LEMD3: variants seen among roughly 807,000 people sequenced by gnomAD.
The protein encoded by LEMD3 is inner nuclear membrane protein Man1.
Under a neutral mutation model 95.2 loss-of-function variants are expected in LEMD3, and 33 were observed. The ratio of observed to expected loss-of-function variants is 0.35; its 90% CI spans 0.26 to 0.46. The LOEUF is 0.46. LEMD3 is among the 20% of genes least tolerant of loss of function. The pLI is 1.00. For missense variants in LEMD3, 1,210 were observed against 1,192.8 expected, an observed-to-expected ratio of 1.01 and a Z score of -0.21; for synonymous variants, 525 against 474.6, an observed-to-expected ratio of 1.11 and a Z score of -1.38.
intron 4 of LEMD3, among the ~76,000 whole-genome samples, chr12:65,231,212 T>C (rs1645918500): frequency 1.3e-5 from 2 of 152,146 alleles, no homozygotes; most frequent in East Asian, 3.8e-4. Flanking sequence ...TTTTTCATGT[T>C]TTTCAAATGC....
At chr12:65,173,054 G>A (rs1377774969) in intron 1 of LEMD3, among the ~76,000 whole-genome samples, 2 of 152,216 alleles carry the variant, frequency 1.3e-5, no homozygotes, top group East Asian at 3.8e-4. Flanking sequence ...ATGATACTAA[G>A]TTAAGAAATG....
chr12:65,213,190 C>G (rs1443433443), intron 2 of LEMD3, among the ~76,000 whole-genome samples: 1 of 152,080 alleles, frequency 6.6e-6, no homozygotes, highest in African/African-American at 2.4e-5. Flanking sequence ...AGTTGAGGCC[C>G]TTCTAGTATA....
Position 65,232,826 on chromosome 12 carries a change from AG to A in LEMD3, c.1696-5674del, listed in dbSNP as rs1870668581. 2.0e-5 allele frequency among the ~76,000 whole-genome samples: 3 copies of A among 152,288 alleles called. No homozygotes were observed. The South Asian group carries it at 6.2e-4, about 32-fold the overall frequency. On this transcript the variant is annotated intron_variant, in intron 4 of 12. Coordinates refer to ENST00000308330, the MANE Select transcript of LEMD3 (RefSeq NM_014319.5). ...ATGTAATGAATGGGTTTACGTTCCT[AG>A]GTTGCTTTCAAAACCTTCTTAACCT...
intron 1 of LEMD3, among the ~76,000 whole-genome samples, chr12:65,174,881 G>T (rs1008848104): frequency 1.3e-5 from 2 of 152,196 alleles, no homozygotes; most frequent in African/African-American, 4.8e-5. Context: ...TTTGGGGGCT[G>T]AGGTGAAGAG....
chr12:65,193,732 C>CTGTGTGTGTG (rs746675293), intron 1 of LEMD3, among the ~76,000 whole-genome samples: 12,890 of 129,266 alleles, frequency 0.1, 874 homozygotes, highest in East Asian at 0.22. Context: ...ACATAACTGG[C>CTGTGTGTGTG]TGTGTGTGTG....
At chr12:65,243,760 A>AC (rs1231984657) in intron 10 of LEMD3, among the ~76,000 whole-genome samples, 2 of 152,208 alleles carry the variant, frequency 1.3e-5, no homozygotes. Context: ...GACAAAGAGT[A>AC]CCCTTTATTA....
At chr12:65,200,347 A>T (rs1869561833) in intron 1 of LEMD3, among the ~76,000 whole-genome samples, 1 of 152,052 alleles carries the variant, frequency 6.6e-6, no homozygotes, top group Admixed American at 6.6e-5. Flanking sequence ...GCCTGCTCCC[A>T]TTCTGTTGAG....
At position 65,201,000 on chromosome 12, in the gene LEMD3, T is replaced by C. The variant is rs574623306; in HGVS notation, c.1523-9926T>C. Among the ~76,000 whole-genome samples the C allele has an allele frequency of 5.6e-4, 86 of 152,288 alleles. 1 individual carries two copies. The highest frequency in any genetic ancestry group is 1.9e-3 in the African/African-American group (81 of 41,562). ...GACGGGTATAAAATCTGTGCCTAGA[T>C]TAATTTTTTTGCATGTGAGTATCCA... On this transcript the variant is annotated intron_variant, in intron 1 of 12. Coordinates refer to ENST00000308330, the MANE Select transcript of LEMD3 (RefSeq NM_014319.5).
intron 1 of LEMD3, among the ~76,000 whole-genome samples, chr12:65,180,810 G>A (rs1868878099): frequency 6.6e-6 from 1 of 152,194 alleles, no homozygotes; most frequent in Non-Finnish European, 1.5e-5. Context: ...GTAAAACTAT[G>A]CAAGAGTGTA....
chr12:65,238,832 G>A lies in LEMD3; in HGVS notation c.1921+18G>A. 1 of 1,613,412 alleles carries A rather than the reference G, an allele frequency of 6.2e-7. No individual in the cohort carries two copies. Among genetic ancestry groups the A allele is most frequent in the South Asian group, 1.1e-5 (1 of 91,058 alleles). The stretch of plus-strand genomic sequence containing the variant: ...ATGCTTAGGTAAGTTGTAAAGATAA[G>A]AAATGAGATAAATTGCAGCCTGAAT... On this transcript the variant is annotated intron_variant, in intron 6 of 12. Coordinates refer to ENST00000308330, the MANE Select transcript of LEMD3 (RefSeq NM_014319.5).
chr12:65,171,310 TAA>T, intron 1 of LEMD3, 192 bp downstream of exon 1: 2 of 989,124 alleles, frequency 2.0e-6, no homozygotes, highest in Non-Finnish European at 2.9e-6. Context: ...TGGCTGGTTT[TAA>T]AAGTTTTCTG....
chr12:65,188,138 G>C (rs1869122261), intron 1 of LEMD3, among the ~76,000 whole-genome samples: 1 of 152,144 alleles, frequency 6.6e-6, no homozygotes, highest in African/African-American at 2.4e-5. Context: ...GTCTACAGTA[G>C]GGTGTCTAAA....
chr12:65,214,621 A>C (rs552270920), intron 2 of LEMD3, among the ~76,000 whole-genome samples: 1 of 152,256 alleles, frequency 6.6e-6, no homozygotes, highest in Non-Finnish European at 1.5e-5. Context: ...ACCACAAAAT[A>C]AATGGATGAG....
At chr12:65,191,920 G>A (rs1368266293) in intron 1 of LEMD3, among the ~76,000 whole-genome samples, 3 of 46,276 alleles carry the variant, frequency 6.5e-5, no homozygotes, top group East Asian at 5.9e-4. Context: ...GCCAGACTCC[G>A]TCTCAAAAAA....
At chr12:65,237,404 G>A (rs1463715063) in intron 4 of LEMD3, among the ~76,000 whole-genome samples, 1 of 152,104 alleles carries the variant, frequency 6.6e-6, no homozygotes, top group African/African-American at 2.4e-5. Flanking sequence ...TGCCTTTTCA[G>A]GTAATTGTAG....
chr12:65,169,894 T>C lies in LEMD3; in HGVS notation c.298T>C (p.Tyr100His). The change falls in exon 1 of 13, where the codon TAC becomes CAC. Residue 100 changes from tyrosine to histidine, a missense_variant. Around this residue, in one of 2 missense-constraint regions of LEMD3, gnomAD observed 749 missense variants for 622.9 expected, o/e 1.20. Coordinates refer to ENST00000308330, the MANE Select transcript of LEMD3 (RefSeq NM_014319.5). ...GVRPVSGDLS[Y>H]LRTPGGLCRI... The stretch of plus-strand genomic sequence containing the variant: ...CCGGCCGGTCTCGGGCGACCTCTCC[T>C]ACTTACGGACTCCTGGGGGCCTGTG... 6.9e-7 allele frequency: 1 copy of C among 1,449,942 alleles called. No homozygotes were observed. Among genetic ancestry groups the C allele is most frequent in the Non-Finnish European group, 9.1e-7 (1 of 1,101,098 alleles). The allele number at this position is 1,449,942 out of a possible 1,614,324, so 89.8% of individuals were successfully genotyped here.
At chr12:65,236,129 A>G (rs1217179831) in intron 4 of LEMD3, among the ~76,000 whole-genome samples, 1 of 152,264 alleles carries the variant, frequency 6.6e-6, no homozygotes, top group Non-Finnish European at 1.5e-5. Flanking sequence ...TGAAAACCTT[A>G]TAATTTCCAA....
intron 1 of LEMD3, among the ~76,000 whole-genome samples, chr12:65,198,072 C>T (rs908478944): frequency 6.6e-6 from 1 of 152,084 alleles, no homozygotes; most frequent in Non-Finnish European, 1.5e-5. Flanking sequence ...CACATTTGTG[C>T]ACATCACAAA....
At chr12:65,212,614 A>G (rs918834379) in intron 2 of LEMD3, among the ~76,000 whole-genome samples, 1 of 152,174 alleles carries the variant, frequency 6.6e-6, no homozygotes, top group Non-Finnish European at 1.5e-5. Context: ...TGGTGACAAT[A>G]TATGAGAAAA....
Sources: gnomAD v4.1 joint callset for allele counts (sites outside exome capture counted in the v4.1 genomes callset) on GRCh38, gnomAD v4.1.1 for gene constraint, gnomAD v4.1.1 regional missense constraint, MANE v1.5 for transcripts, NCBI Gene and HGNC (gene_info 2026-07-23, HGNC 2026-07-21) for gene names.